The following SAMD4B variants were observed in gnomAD, a reference collection of about 807,000 sequenced individuals.
SAMD4B encodes the protein sterile alpha motif domain containing 4B.
Under a neutral mutation model 74.5 loss-of-function variants are expected in SAMD4B, and 5 were observed. The observed-to-expected ratio is 0.07, with a 90% CI of 0.04 to 0.14. SAMD4B has a LOEUF of 0.14. Among genes scored for constraint, SAMD4B ranks in the 10% least tolerant of loss-of-function variants. The pLI is 1.00. For synonymous variants in SAMD4B, 373 were observed against 374.9 expected, an observed-to-expected ratio of 1.00 and a Z score of 0.06; for missense variants, 608 against 921.8, an observed-to-expected ratio of 0.66 and a Z score of 4.41.
chr19:39,349,716 A>G (rs1021786975), intron 1 of SAMD4B: 1 of 152,224 alleles, frequency 6.6e-6, no homozygotes, highest in Non-Finnish European at 1.5e-5. Flanking sequence ...CGTGCTGTAA[A>G]AAGAACTAGG....
intron 3 of SAMD4B, among the ~76,000 whole-genome samples, chr19:39,358,573 A>G (rs2076468350): frequency 6.6e-6 from 1 of 151,716 alleles, no homozygotes; most frequent in African/African-American, 2.4e-5. Context: ...TAAATTCAAC[A>G]TGATATCCTG....
chr19:39,370,185 A>AGC, intron 4 of SAMD4B, 60 bp downstream of exon 4: 1 of 1,463,690 alleles, frequency 6.8e-7, no homozygotes. Context: ...GACTAGGCTC[A>AGC]GTGAGAGCTC....
intron 3 of SAMD4B, among the ~76,000 whole-genome samples, chr19:39,359,497 A>G (rs375114562): frequency 6.8e-4 from 103 of 152,320 alleles, no homozygotes; most frequent in South Asian, 1.7e-3. Flanking sequence ...GTCTTAATAC[A>G]TATGGCCAAA....
intron 3 of SAMD4B, among the ~76,000 whole-genome samples, chr19:39,359,019 G>A (rs926874179): frequency 6.6e-6 from 1 of 152,234 alleles, no homozygotes; most frequent in Admixed American, 6.5e-5. Flanking sequence ...TAGTCTGGCA[G>A]TAAGTTCTTA....
Position 39,383,203 on chromosome 19 carries a change from C to A in SAMD4B, c.1973-5C>A. ...ACCACCCCCATTCTCCTCTCTCCCACCCAGACTGCCCGGTTCCTGGGCCTG... is the reference window on the plus strand; with the variant it reads ...ACCACCCCCATTCTCCTCTCTCCCAACCAGACTGCCCGGTTCCTGGGCCTG... On this transcript the variant is annotated splice_polypyrimidine_tract_variant and splice_region_variant and intron_variant, in intron 12 of 13. Coordinates refer to ENST00000610417, the MANE Select transcript of SAMD4B (RefSeq NM_001384574.2). This position sits in a 1 kb window ranked among gnomAD's most constrained non-coding sequence, Gnocchi z 4.1. 6.2e-7 allele frequency: 1 copy of A among 1,614,042 alleles called. No homozygotes were observed. Among genetic ancestry groups the A allele is most frequent in the African/African-American group, 1.3e-5 (1 of 75,034 alleles).
intron 7 of SAMD4B, among the ~76,000 whole-genome samples, chr19:39,377,090 G>C (rs1276340164): frequency 6.6e-6 from 1 of 152,182 alleles, no homozygotes; most frequent in South Asian, 2.1e-4. Context: ...GTAGAGCAGA[G>C]TGTCTCTGTC....
At chr19:39,387,272 CAT>C, downstream of SAMD4B, 1 of 358,222 alleles carries the variant, frequency 2.8e-6, no homozygotes, top group Non-Finnish European at 5.7e-6. Context: ...TGTATCTAAA[CAT>C]AGAAAAGGTA....
chr19:39,348,314 C>G (rs62119681), intron 1 of SAMD4B: 17,517 of 152,204 alleles, frequency 0.12, 1,352 homozygotes, highest in South Asian at 0.25. Context: ...AGAGCTGCAG[C>G]CTTTGAAGAA....
chr19:39,378,682 C>T lies in SAMD4B; in HGVS notation c.1530+93C>T, dbSNP rs1568365131. The stretch of plus-strand genomic sequence containing the variant: ...CCAGCACTTCGGCCACCGAGGCGGG[C>T]GGATCATGAGGTCAGGAGATCGAGA... On this transcript the variant is annotated intron_variant, in intron 9 of 13. Coordinates refer to ENST00000610417, the MANE Select transcript of SAMD4B (RefSeq NM_001384574.2). The surrounding 1 kb of genome is among the most constrained non-coding windows in gnomAD (Gnocchi z 4.4). The T allele has an allele frequency of 1.1e-5, 11 of 1,026,434 alleles. No homozygotes were observed. The highest frequency in any genetic ancestry group is 4.0e-5 in the South Asian group (3 of 74,746). The allele number at this position is 1,026,434 out of a possible 1,614,324, so 63.6% of individuals were successfully genotyped here. A position where few individuals can be genotyped will look rare whatever the true frequency, so the allele number is the denominator to read the frequency against.
downstream of SAMD4B, chr19:39,389,461 C>G: frequency 6.2e-7 from 1 of 1,613,762 alleles, no homozygotes. This position sits in a 1 kb window ranked among gnomAD's most constrained non-coding sequence, Gnocchi z 5.3. Context: ...TCTCCAGTAC[C>G]CATTTGCTAC....
At chr19:39,370,153 C>T (rs774430678) in intron 4 of SAMD4B, 28 bp downstream of exon 4, 9 of 1,549,708 alleles carry the variant, frequency 5.8e-6, no homozygotes, top group Non-Finnish European at 2.6e-6. Context: ...CCCAGAAGGC[C>T]ATGCCTACTT....
intron 3 of SAMD4B, among the ~76,000 whole-genome samples, chr19:39,363,949 G>T (rs973244205): frequency 6.6e-6 from 1 of 152,188 alleles, no homozygotes. Flanking sequence ...TACAGCCCCA[G>T]CTGGGCTCAC....
chr19:39,387,620 A>T (rs2078281523), downstream of SAMD4B, among the ~76,000 whole-genome samples: 1 of 152,122 alleles, frequency 6.6e-6, no homozygotes. Flanking sequence ...AGACTTCCCA[A>T]CTCTACACCA....
In SAMD4B at chr19:39,383,562, T is replaced by G; in HGVS notation, c.*35T>G. ...CAGCCCAGCGCACCCATAGGCTCCC[T>G]GGGCGGCGGGCGGGGGCCAACCCCC... On this transcript the variant is annotated 3_prime_UTR_variant, in exon 14 of 14. Transcript: ENST00000610417. This position sits in a 1 kb window ranked among gnomAD's most constrained non-coding sequence, Gnocchi z 4.1. 2.5e-6 allele frequency: 4 copies of G among 1,614,218 alleles called. No homozygotes were observed. The highest frequency in any genetic ancestry group is 3.4e-6 in the Non-Finnish European group (4 of 1,180,034).
At chr19:39,390,302 A>C (rs1434852315), downstream of SAMD4B, 1 of 1,608,782 alleles carries the variant, frequency 6.2e-7, no homozygotes, top group South Asian at 1.1e-5. Flanking sequence ...AGTGGAGAAG[A>C]AAGAAACAGT....
intron 4 of SAMD4B, among the ~76,000 whole-genome samples, chr19:39,373,542 T>C (rs1011271671): frequency 1.3e-5 from 2 of 152,024 alleles, no homozygotes; most frequent in African/African-American, 4.8e-5. Context: ...GAGGGGTACA[T>C]GACCGAGGCA....
At chr19:39,347,553 A>G (rs537973989) in intron 1 of SAMD4B, among the ~76,000 whole-genome samples, 56 of 152,056 alleles carry the variant, frequency 3.7e-4, no homozygotes, top group African/African-American at 1.3e-3. Flanking sequence ...TGACTCAACC[A>G]CACTTTGCTT....
At chr19:39,370,967 A>G (rs2077260297) in intron 4 of SAMD4B, among the ~76,000 whole-genome samples, 1 of 152,218 alleles carries the variant, frequency 6.6e-6, no homozygotes, top group South Asian at 2.1e-4. Flanking sequence ...CCTGCCTCTG[A>G]CCACTACACT....
Position 39,369,890 on chromosome 19 carries a change from C to T in SAMD4B, c.432C>T (p.Ala144=). ...CACTGGAGGACCGCAACGCACTGGC[C>T]CTCTGGCTGAGCCACCTGGAAGAGC... ...ATTLEDRNAL[A]LWLSHLEERL... is the part of the protein sequence containing the mutation. Residue 144 remains alanine (A), a synonymous_variant, in exon 4 of 14, where the codon GCC becomes GCT. Coordinates refer to ENST00000610417, the MANE Select transcript of SAMD4B (RefSeq NM_001384574.2). The T allele has an allele frequency of 6.2e-7, 1 of 1,614,236 alleles. No individual in the cohort carries two copies.
Sources: allele counts gnomAD v4.1 joint callset (sites outside exome capture counted in the v4.1 genomes callset), GRCh38; gene constraint gnomAD v4.1.1; non-coding constraint Gnocchi (gnomAD v3.1); transcripts MANE v1.5; gene names NCBI Gene and HGNC (gene_info 2026-07-23, HGNC 2026-07-21).